Variants in TRPM3 observed in about 807,000 individuals in gnomAD.
TRPM3 encodes the protein transient receptor potential cation channel subfamily M member 3, also known as long transient receptor potential channel 3.
Under a neutral mutation model 181.2 loss-of-function variants are expected in TRPM3, and 77 were observed. The observed-to-expected ratio is 0.42, with a 90% confidence interval of 0.35 to 0.51. The LOEUF is 0.51. Among genes scored for constraint, TRPM3 ranks in the 20% least tolerant of loss-of-function variants. TRPM3 has a pLI of 0.01. For missense variants in TRPM3, 1,759 were observed against 2,196.7 expected (o/e 0.80, Z 3.98); for synonymous variants, 745 against 796.4 (o/e 0.94, Z 1.09).
intron 1 of TRPM3, among the ~76,000 whole-genome samples, chr9:70,953,366 A>G (rs879011150): frequency 1.3e-5 from 2 of 152,192 alleles, no homozygotes; most frequent in Admixed American, 1.3e-4. Flanking sequence ...GGGGAAGATT[A>G]CTGTGGGTAA....
intron 8 of TRPM3, among the ~76,000 whole-genome samples, chr9:70,683,298 C>T (rs1281229252): frequency 6.6e-6 from 1 of 152,080 alleles, no homozygotes; most frequent in East Asian, 1.9e-4. Context: ...TAGCTCACTG[C>T]AGCCTCAATC....
At chr9:70,816,041 T>C (rs1362665858) in intron 6 of TRPM3, among the ~76,000 whole-genome samples, 1 of 152,176 alleles carries the variant, frequency 6.6e-6, no homozygotes, top group Non-Finnish European at 1.5e-5. Context: ...CTTAACAAGA[T>C]GGAAAGGAAA....
In TRPM3 at chr9:71,264,808, G is replaced by T. The variant is rs79658897; in HGVS notation, c.183+181845C>A. Among the ~76,000 whole-genome samples the T allele has an allele frequency of 4.6e-5, 7 of 152,114 alleles. No individual in the cohort carries two copies. In the East Asian group the frequency reaches 1.4e-3, roughly 29 times the overall value. ...CTCCCTCACCTTAAGCATCATTGCT[G>T]CTGTCCTTTCTTCTCACCTTTTAAA... On this transcript the variant is annotated intron_variant, in intron 1 of 24. Coordinates refer to the TRPM3 transcript ENST00000357533.
At chr9:71,026,014 A>G (rs978650006) in intron 1 of TRPM3, among the ~76,000 whole-genome samples, 9 of 152,242 alleles carry the variant, frequency 5.9e-5, no homozygotes, top group African/African-American at 2.2e-4. Context: ...CTGGAATCCC[A>G]GCAGGAGGAG....
chr9:70,925,558 G>A (rs2133343893), intron 1 of TRPM3, among the ~76,000 whole-genome samples: 1 of 151,910 alleles, frequency 6.6e-6, no homozygotes, highest in Admixed American at 6.6e-5. Context: ...ATATCCTCCT[G>A]TCTATTCACA....
At chr9:70,583,901 G>A (rs2056552005) in intron 22 of TRPM3, among the ~76,000 whole-genome samples, 1 of 152,070 alleles carries the variant, frequency 6.6e-6, no homozygotes, top group Non-Finnish European at 1.5e-5. Flanking sequence ...AGCTCCTCCA[G>A]CCACCCACCT....
At chr9:70,803,187 G>A (rs1340025298) in intron 6 of TRPM3, among the ~76,000 whole-genome samples, 1 of 152,008 alleles carries the variant, frequency 6.6e-6, no homozygotes, top group Non-Finnish European at 1.5e-5. Context: ...GGCAAGAAGG[G>A]ACTCGCAGCA....
intron 5 of TRPM3, among the ~76,000 whole-genome samples, chr9:70,830,323 C>A (rs903030060): frequency 6.6e-6 from 1 of 152,204 alleles, no homozygotes; most frequent in Admixed American, 6.5e-5. Flanking sequence ...ATTAAATAAT[C>A]TATATTCTAT....
intron 22 of TRPM3, among the ~76,000 whole-genome samples, chr9:70,589,021 T>G (rs887230251): frequency 1.3e-5 from 2 of 152,152 alleles, no homozygotes; most frequent in Non-Finnish European, 2.9e-5. Context: ...AGGTAAGTGG[T>G]TGGGGAAGGG....
At chr9:71,146,337 T>C in intron 1 of TRPM3, among the ~76,000 whole-genome samples, 1 of 151,778 alleles carries the variant, frequency 6.6e-6, no homozygotes, top group East Asian at 1.9e-4. Context: ...TTCCAGAAGC[T>C]CCCCCTCTAC....
chr9:70,654,319 C>T (rs1444831608), intron 9 of TRPM3, among the ~76,000 whole-genome samples: 1 of 152,036 alleles, frequency 6.6e-6, no homozygotes, highest in Non-Finnish European at 1.5e-5. Context: ...TGACTGGGGG[C>T]CTTGTGGAAG....
chr9:71,184,229 A>G (rs1233290254), intron 1 of TRPM3, among the ~76,000 whole-genome samples: 1 of 152,122 alleles, frequency 6.6e-6, no homozygotes, highest in African/African-American at 2.4e-5. Flanking sequence ...AACATACCAT[A>G]TGGAACTGGA....
intron 8 of TRPM3, among the ~76,000 whole-genome samples, chr9:70,748,026 A>G (rs1221596513): frequency 6.6e-6 from 1 of 152,188 alleles, no homozygotes; most frequent in Non-Finnish European, 1.5e-5. Context: ...ATTTATTTTT[A>G]GAGTGGTGAG....
chr9:71,411,512 G>A (rs1298687874), intron 1 of TRPM3, among the ~76,000 whole-genome samples: 1 of 152,146 alleles, frequency 6.6e-6, no homozygotes, highest in African/African-American at 2.4e-5. Context: ...TTGCTTCAAA[G>A]AGAATAAAAT....
intron 1 of TRPM3, among the ~76,000 whole-genome samples, chr9:71,223,584 A>T (rs1050948775): frequency 1.3e-5 from 2 of 152,234 alleles, no homozygotes; most frequent in African/African-American, 4.8e-5. Context: ...AGTGAGGCAG[A>T]GCATCAAGCA....
chr9:70,792,006 A>G (rs1396447369), intron 6 of TRPM3, among the ~76,000 whole-genome samples: 3 of 152,150 alleles, frequency 2.0e-5, no homozygotes, highest in Non-Finnish European at 4.4e-5. Flanking sequence ...GTGGATGAGT[A>G]GATTGAATGG....
intron 1 of TRPM3, among the ~76,000 whole-genome samples, chr9:71,445,348 T>C (rs889655782): frequency 2.6e-5 from 4 of 152,238 alleles, no homozygotes; most frequent in African/African-American, 4.8e-5. Context: ...GAAAAACCTA[T>C]CTTCAGATTA....
chr9:70,629,501 A>AT (rs760606422), intron 12 of TRPM3, among the ~76,000 whole-genome samples: 39 of 151,754 alleles, frequency 2.6e-4, no homozygotes, highest in East Asian at 1.6e-3. Context: ...ATGCCAGCTA[A>AT]TTTTTTTGTA....
chr9:70,691,336 C>T (rs1013905068), intron 8 of TRPM3, among the ~76,000 whole-genome samples: 1 of 151,462 alleles, frequency 6.6e-6, no homozygotes, highest in Non-Finnish European at 1.5e-5. Flanking sequence ...AAAAAATAAG[C>T]GATTATTTGA....
Sources: allele counts gnomAD v4.1 joint callset (sites outside exome capture counted in the v4.1 genomes callset), GRCh38; gene constraint gnomAD v4.1.1; transcripts MANE v1.5; gene names NCBI Gene and HGNC (gene_info 2026-07-23, HGNC 2026-07-21).